STK32B: variants seen among roughly 807,000 people sequenced by gnomAD.
STK32B encodes serine/threonine kinase 32B.
STK32B carries 43 observed loss-of-function variants against 52.6 expected under a neutral mutation model. That is an observed-to-expected ratio of 0.82 (90% CI 0.64 to 1.05). The LOEUF (loss-of-function observed/expected upper bound fraction) is 1.05, where lower values mean the gene tolerates loss of function less well. Among genes scored for constraint, STK32B ranks in the 50% least tolerant of loss-of-function variants. The probability of loss-of-function intolerance (pLI) is 0.00; values close to 1 mark genes in which losing one functional copy is unlikely to be tolerated. For synonymous variants in STK32B, 238 were observed against 204.3 expected, an observed-to-expected ratio of 1.17 and a Z score of -1.41; for missense variants, 621 against 534.6, an observed-to-expected ratio of 1.16 and a Z score of -1.59.
At chr4:5,092,641 T>C (rs1713155408) in intron 1 of STK32B, among the ~76,000 whole-genome samples, 1 of 152,150 alleles carries the variant, frequency 6.6e-6, no homozygotes, top group Non-Finnish European at 1.5e-5. Flanking sequence ...CATAGTGGCT[T>C]CTGCTTCTGA....
At chr4:5,040,792 C>A in the STK32B span, among the ~76,000 whole-genome samples, 2 of 152,142 alleles carry the variant, frequency 1.3e-5, no homozygotes, top group African/African-American at 4.8e-5. Flanking sequence ...CTGAGATATG[C>A]GTTGTCACCA....
At chr4:5,339,945 G>A (rs535510080) in intron 4 of STK32B, among the ~76,000 whole-genome samples, 153 of 152,222 alleles carry the variant, frequency 1.0e-3, no homozygotes, top group Non-Finnish European at 1.1e-3. Flanking sequence ...TCTGGGTGAC[G>A]AAACTCCATC....
At chr4:5,144,932 C>T (rs1716794697) in intron 2 of STK32B, among the ~76,000 whole-genome samples, 1 of 152,194 alleles carries the variant, frequency 6.6e-6, no homozygotes, top group African/African-American at 2.4e-5. Context: ...CTCTCAGATA[C>T]ATGCAGGAGG....
intron 8 of STK32B, chr4:5,458,537 A>C (rs978304561): frequency 3.9e-5 from 6 of 152,202 alleles, no homozygotes; most frequent in Non-Finnish European, 2.9e-5. Context: ...TTTTGATCCA[A>C]ACTCTCCTAA....
At chr4:5,118,004 C>T (rs1714829111) in intron 1 of STK32B, among the ~76,000 whole-genome samples, 1 of 152,070 alleles carries the variant, frequency 6.6e-6, no homozygotes. Context: ...GGGATGTCGG[C>T]CTGTAAGTTT....
intron 3 of STK32B, among the ~76,000 whole-genome samples, chr4:5,317,991 A>G (rs777046978): frequency 1.3e-5 from 2 of 152,112 alleles, no homozygotes; most frequent in South Asian, 2.1e-4. Flanking sequence ...GAGGCCAGCA[A>G]TCTGTGTTTT....
At position 5,386,353 on chromosome 4, in the gene STK32B, T is replaced by C. The variant is rs965817718; in HGVS notation, c.435-11854T>C. Reference sequence around the variant, plus strand: ...CCGGCTGGTGTGAGTCCAGAGCCCATGCATAGTGCAGGGTGGAAATGGTGG... The same window carrying C: ...CCGGCTGGTGTGAGTCCAGAGCCCACGCATAGTGCAGGGTGGAAATGGTGG... On this transcript the variant is annotated intron_variant, in intron 4 of 11. Coordinates refer to ENST00000282908, the MANE Select transcript of STK32B (RefSeq NM_018401.3). The surrounding 1 kb of genome is among the most constrained non-coding windows in gnomAD (Gnocchi z 4.5). Among the ~76,000 whole-genome samples, 1 of 152,084 alleles carries C rather than the reference T, an allele frequency of 6.6e-6. No individual in the cohort carries two copies. The highest frequency in any genetic ancestry group is 1.5e-5 in the Non-Finnish European group (1 of 68,026).
intron 6 of STK32B, among the ~76,000 whole-genome samples, chr4:5,442,981 G>A (rs544511998): frequency 6.6e-6 from 1 of 151,752 alleles, no homozygotes; most frequent in East Asian, 1.9e-4. Flanking sequence ...TCCGCTGTTA[G>A]TCTGATGGGC....
At chr4:5,169,778 A>G (rs1719210763) in intron 3 of STK32B, among the ~76,000 whole-genome samples, 1 of 152,150 alleles carries the variant, frequency 6.6e-6, no homozygotes, top group African/African-American at 2.4e-5. Context: ...CCGAACAGCA[A>G]TATGTGTTCT....
intron 7 of STK32B, among the ~76,000 whole-genome samples, chr4:5,456,362 C>G (rs1052011200): frequency 6.6e-6 from 1 of 152,254 alleles, no homozygotes; most frequent in Admixed American, 6.5e-5. Flanking sequence ...TCAGCTCTGT[C>G]CACCCCATGG....
intron 3 of STK32B, among the ~76,000 whole-genome samples, chr4:5,246,086 A>C (rs540621250): frequency 6.6e-6 from 1 of 152,006 alleles, no homozygotes; most frequent in Non-Finnish European, 1.5e-5. Context: ...TCTTTGTGGC[A>C]TTCTCTGTAT....
intron 4 of STK32B, among the ~76,000 whole-genome samples, chr4:5,345,954 G>A (rs1032430130): frequency 6.6e-6 from 1 of 152,180 alleles, no homozygotes; most frequent in Non-Finnish European, 1.5e-5. Flanking sequence ...TGGGACAGTG[G>A]CCCTTTCCCA....
At chr4:5,341,834 G>A (rs1431814263) in intron 4 of STK32B, among the ~76,000 whole-genome samples, 1 of 152,076 alleles carries the variant, frequency 6.6e-6, no homozygotes, top group Non-Finnish European at 1.5e-5. Flanking sequence ...AAGGAGACAG[G>A]GGAGGTGCTA....
chr4:5,372,310 A>G (rs1164302130), intron 4 of STK32B, among the ~76,000 whole-genome samples: 2 of 152,212 alleles, frequency 1.3e-5, no homozygotes, highest in African/African-American at 2.4e-5. Flanking sequence ...ATCATGCTGT[A>G]GCTCTGGGTA....
At position 5,356,871 on chromosome 4, in the gene STK32B, A is replaced by G. The variant is rs536711841; in HGVS notation, c.434+25478A>G. 6.0e-4 allele frequency among the ~76,000 whole-genome samples: 91 copies of G among 152,180 alleles called. 2 individuals carry two copies. The highest frequency in any genetic ancestry group is 5.0e-3 in the South Asian group (24 of 4,814). ...AAATTAGCCAGACGTGGTGGCACACACCTGTAGTCCCAGCTACTCAGGAGG... is the reference window on the plus strand; with the variant it reads ...AAATTAGCCAGACGTGGTGGCACACGCCTGTAGTCCCAGCTACTCAGGAGG... On this transcript the variant is annotated intron_variant, in intron 4 of 11. Transcript: ENST00000282908.
intron 3 of STK32B, among the ~76,000 whole-genome samples, chr4:5,215,161 A>G (rs1723111958): frequency 6.6e-6 from 1 of 152,216 alleles, no homozygotes; most frequent in Non-Finnish European, 1.5e-5. Flanking sequence ...AATATGTAGA[A>G]TCCTTTCCCT....
At chr4:5,407,952 A>C (rs1438339171) in intron 5 of STK32B, among the ~76,000 whole-genome samples, 1 of 152,122 alleles carries the variant, frequency 6.6e-6, no homozygotes. Context: ...AAGGGACCCC[A>C]GAAAGTTCCC....
chr4:5,479,881 C>T (rs950051388), intron 11 of STK32B, among the ~76,000 whole-genome samples: 7 of 152,100 alleles, frequency 4.6e-5, no homozygotes, highest in Non-Finnish European at 1.0e-4. Flanking sequence ...TTTTTAACTA[C>T]AGAGAGGCAG....
In STK32B at chr4:5,387,407, C is replaced by G. The variant is rs556589285; in HGVS notation, c.435-10800C>G. On this transcript the variant is annotated intron_variant, in intron 4 of 11. Transcript: ENST00000282908. ...AGATAATCACACAAGCACATATACC[C>G]TGTGCTCACTGCCAGGCCAGTGACA... 4.1e-4 allele frequency among the ~76,000 whole-genome samples: 63 copies of G among 152,316 alleles called. No homozygotes were observed. In the South Asian group the frequency reaches 8.1e-3, roughly 20 times the overall value.
Sources: gnomAD v4.1 joint callset for allele counts (sites outside exome capture counted in the v4.1 genomes callset) on GRCh38, gnomAD v4.1.1 for gene constraint, Gnocchi (gnomAD v3.1) non-coding constraint, MANE v1.5 for transcripts, NCBI Gene and HGNC (gene_info 2026-07-23, HGNC 2026-07-21) for gene names.